The following CAMTA1 variants were observed in gnomAD, a reference collection of about 807,000 sequenced individuals.
The protein encoded by CAMTA1 is calmodulin binding transcription activator 1.
In CAMTA1, 27 loss-of-function variants were observed where a neutral mutation model predicts 170.9. That is an observed-to-expected ratio of 0.16 (90% CI 0.12 to 0.22). The LOEUF (loss-of-function observed/expected upper bound fraction) is 0.22. Ranked by LOEUF, CAMTA1 falls within the 10% of genes least tolerant of loss-of-function variation. The probability of loss-of-function intolerance (pLI) is 1.00; values close to 1 mark genes in which losing one functional copy is unlikely to be tolerated. For synonymous variants in CAMTA1, 833 were observed against 891.5 expected, an observed-to-expected ratio of 0.93 and a Z score of 1.17; for missense variants, 1,619 against 2,217.2, an observed-to-expected ratio of 0.73 and a Z score of 5.42.
chr1:7,422,688 G>A (rs1007333082), intron 5 of CAMTA1, among the ~76,000 whole-genome samples: 6 of 152,148 alleles, frequency 3.9e-5, no homozygotes, highest in Non-Finnish European at 8.8e-5. Context: ...CAGCCAATGG[G>A]GCCAGGCTGT....
chr1:7,434,244 C>T (rs1233040503), intron 5 of CAMTA1, among the ~76,000 whole-genome samples: 3 of 152,210 alleles, frequency 2.0e-5, no homozygotes, highest in Non-Finnish European at 4.4e-5. Flanking sequence ...CTCATGAAGG[C>T]AACCATATCC....
chr1:7,401,086 A>T (rs1351766771), intron 5 of CAMTA1, among the ~76,000 whole-genome samples: 1 of 152,204 alleles, frequency 6.6e-6, no homozygotes, highest in Admixed American at 6.5e-5. Flanking sequence ...TATCTAAGCA[A>T]TCTTTGCCTC....
At chr1:6,834,343 T>C in intron 3 of CAMTA1, 1 of 199,874 alleles carries the variant, frequency 5.0e-6, no homozygotes, top group Non-Finnish European at 1.1e-5. Context: ...CTGATCAAAG[T>C]GCTCCAACAG....
chr1:7,601,964 G>T (rs1011561226), intron 6 of CAMTA1, among the ~76,000 whole-genome samples: 9 of 140,656 alleles, frequency 6.4e-5, no homozygotes, highest in Admixed American at 5.6e-4. Flanking sequence ...TGGGGAGAGG[G>T]AGACTGTGGG....
intron 5 of CAMTA1, chr1:7,382,669 C>A (rs2087467352): frequency 6.6e-6 from 1 of 152,248 alleles, no homozygotes; most frequent in South Asian, 2.1e-4. Context: ...AAACCCAGAT[C>A]CCTCCAATGT....
intron 5 of CAMTA1, among the ~76,000 whole-genome samples, chr1:7,449,769 C>CAAAAAAAAAAAAAAA (rs59913060): frequency 2.5e-5 from 2 of 79,600 alleles, no homozygotes; most frequent in African/African-American, 4.5e-5. Flanking sequence ...GACTCGGTCT[C>CAAAAAAAAAAAAAAA]AAAAAAAAAA....
At chr1:7,490,685 C>G (rs2093690345) in intron 6 of CAMTA1, among the ~76,000 whole-genome samples, 1 of 152,026 alleles carries the variant, frequency 6.6e-6, no homozygotes, top group African/African-American at 2.4e-5. Flanking sequence ...GCCCCTCTGC[C>G]AGGGAGTGGC....
chr1:7,558,316 TGGC>T (rs1322104059), intron 6 of CAMTA1, among the ~76,000 whole-genome samples: 1 of 152,150 alleles, frequency 6.6e-6, no homozygotes, highest in Non-Finnish European at 1.5e-5. Context: ...CCCCCAGGCA[TGGC>T]AGGAAGAGGG....
Position 7,670,144 on chromosome 1 carries a change from A to G in CAMTA1, c.2653-767A>G, listed in dbSNP as rs2096045318. 2.0e-5 allele frequency among the ~76,000 whole-genome samples: 3 copies of G among 152,128 alleles called. No individual in the cohort carries two copies. In the South Asian group the frequency reaches 6.2e-4, roughly 32 times the overall value. Reference sequence around the variant, plus strand: ...CTGCTCCCAGCCAGGCTGCATGGTCACTGCTTGCTTGTGGGACCCCAGGCT... The same window carrying G: ...CTGCTCCCAGCCAGGCTGCATGGTCGCTGCTTGCTTGTGGGACCCCAGGCT... On this transcript the variant is annotated intron_variant, in intron 9 of 22. Transcript: ENST00000303635.
chr1:7,333,208 G>A lies in CAMTA1; in HGVS notation c.438+83582G>A, dbSNP rs778677480. ...ATGTCGCCCTTCTCTGCAGTTTTTGGACAGGGATAGCAAACATGTCAGAGG... is the reference window on the plus strand; with the variant it reads ...ATGTCGCCCTTCTCTGCAGTTTTTGAACAGGGATAGCAAACATGTCAGAGG... On this transcript the variant is annotated intron_variant, in intron 5 of 22. Transcript: ENST00000303635. The surrounding 1 kb of genome is among the most constrained non-coding windows in gnomAD (Gnocchi z 4.4). Among the ~76,000 whole-genome samples the A allele has an allele frequency of 8.5e-5, 13 of 152,108 alleles. No individual in the cohort carries two copies. The highest frequency in any genetic ancestry group is 1.6e-4 in the Non-Finnish European group (11 of 68,002).
chr1:7,104,248 C>CACAACTACACACATGTACACACA lies in CAMTA1; in HGVS notation c.302+12880_302+12881insACTACACACATGTACACACAACA, dbSNP rs1553246798. ...CACAACTACACACGTGTACACACAACACACATACACACAACTACATACATG... is the reference window on the plus strand; with the variant it reads ...CACAACTACACACGTGTACACACAACACAACTACACACATGTACACACAACACATACACACAACTACATACATG... On this transcript the variant is annotated intron_variant, in intron 4 of 22. Transcript: ENST00000303635. Among the ~76,000 whole-genome samples, 354 of 104,032 alleles carry CACAACTACACACATGTACACACA rather than the reference C, an allele frequency of 3.4e-3. 3 individuals are homozygous for CACAACTACACACATGTACACACA. Among genetic ancestry groups the CACAACTACACACATGTACACACA allele is most frequent in the Non-Finnish European group, 5.3e-3 (237 of 44,578 alleles). 68.2% of individuals were successfully genotyped at this position (104,032 alleles called of 152,430 possible).
At chr1:6,969,138 C>T (rs2149571716) in intron 3 of CAMTA1, among the ~76,000 whole-genome samples, 1 of 152,278 alleles carries the variant, frequency 6.6e-6, no homozygotes, top group Non-Finnish European at 1.5e-5. Context: ...CCTCCGTGGG[C>T]ATTTTCAGTG....
chr1:7,607,109 GTAGATGGAAGGA>G (rs1210589493), intron 6 of CAMTA1, among the ~76,000 whole-genome samples: 2 of 151,166 alleles, frequency 1.3e-5, no homozygotes, highest in Admixed American at 6.6e-5. Context: ...GAGTAGGTGG[GTAGATGGAAGGA>G]TGGATGGATG....
At chr1:7,142,166 A>G (rs769434629) in intron 4 of CAMTA1, 2 of 518,414 alleles carry the variant, frequency 3.9e-6, no homozygotes, top group Non-Finnish European at 7.7e-6. Context: ...CTCTACTGCC[A>G]GCACCCTCCC....
chr1:7,615,996 A>G (rs2095556247), intron 6 of CAMTA1, among the ~76,000 whole-genome samples: 1 of 152,272 alleles, frequency 6.6e-6, no homozygotes, highest in Non-Finnish European at 1.5e-5. Flanking sequence ...AATATGAGAG[A>G]GCTTTGAAAA....
chr1:7,623,785 T>C (rs962070984), intron 6 of CAMTA1, among the ~76,000 whole-genome samples: 1 of 152,188 alleles, frequency 6.6e-6, no homozygotes, highest in African/African-American at 2.4e-5. Flanking sequence ...GAAGCTCTTT[T>C]TCAACATTGC....
rs796578164 is a variant in CAMTA1, at chr1:7,548,779, G to A, written c.510+80878G>A. On this transcript the variant is annotated intron_variant, in intron 6 of 22. Coordinates refer to ENST00000303635, the MANE Select transcript of CAMTA1 (RefSeq NM_015215.4). ...CCTCTTAGAGGTGGAGATGCCCATG[G>A]AGGTGTCCCTTAGGGGCGGAGGTGC... is the stretch of plus-strand genomic sequence containing the variant. Among the ~76,000 whole-genome samples, 12 of 94,400 alleles carry A rather than the reference G, an allele frequency of 1.3e-4. 1 individual carries two copies. The highest frequency in any genetic ancestry group is 4.0e-4 in the African/African-American group (12 of 30,202). The allele number at this position is 94,400 out of a possible 152,430, so 61.9% of individuals were successfully genotyped here.
chr1:7,457,342 T>C (rs2149490020), intron 5 of CAMTA1, among the ~76,000 whole-genome samples: 1 of 152,216 alleles, frequency 6.6e-6, no homozygotes, highest in African/African-American at 2.4e-5. Context: ...CTCACTCATG[T>C]CGTCGTTAGG....
intron 7 of CAMTA1, among the ~76,000 whole-genome samples, chr1:7,652,336 C>T (rs1418111229): frequency 6.6e-6 from 1 of 152,046 alleles, no homozygotes; most frequent in Non-Finnish European, 1.5e-5. Context: ...TCTGATTTTC[C>T]AAGAGCAAGT....
Sources: gnomAD v4.1 joint callset for allele counts (sites outside exome capture counted in the v4.1 genomes callset) on GRCh38, gnomAD v4.1.1 for gene constraint, Gnocchi (gnomAD v3.1) non-coding constraint, MANE v1.5 for transcripts, NCBI Gene and HGNC (gene_info 2026-07-23, HGNC 2026-07-21) for gene names.